TESK2: variants seen among roughly 807,000 people sequenced by gnomAD.
The protein encoded by TESK2 is testis associated actin remodelling kinase 2, also known as dual specificity testis-specific protein kinase 2.
In TESK2, 39 loss-of-function variants were observed where a neutral mutation model predicts 57.1. That is an observed-to-expected ratio of 0.68 (90% confidence interval 0.53 to 0.89). The LOEUF (loss-of-function observed/expected upper bound fraction) is 0.89. Among genes scored for constraint, TESK2 ranks in the 40% least tolerant of loss-of-function variants. The pLI is 0.00. For missense variants in TESK2, 646 were observed against 732.1 expected, an observed-to-expected ratio of 0.88 and a Z score of 1.36; for synonymous variants, 249 against 267.9, an observed-to-expected ratio of 0.93 and a Z score of 0.69.
chr1:45,425,037 AT>A (rs1331383383), intron 2 of TESK2, among the ~76,000 whole-genome samples: 1 of 152,226 alleles, frequency 6.6e-6, no homozygotes, highest in Non-Finnish European at 1.5e-5. Flanking sequence ...GTTATTTAAC[AT>A]AGTACTGGAC....
chr1:45,426,611 C>T (rs908349026), intron 2 of TESK2, among the ~76,000 whole-genome samples: 1 of 152,088 alleles, frequency 6.6e-6, no homozygotes, highest in African/African-American at 2.4e-5. Context: ...GGATCACATC[C>T]GGTTAAAAAG....
chr1:45,355,413 T>C lies in TESK2; in HGVS notation c.430A>G (p.Ser144Gly). ...NSGNLEQLLD[S>G]NLHLPWTVRV... ...ACAGTCCAAGGCAAATGCAGGTTAC[T>C]GTCTAGCAACTGTTCCAGGTTCCCG... is the stretch of plus-strand genomic sequence containing the variant. Residue 144 changes from serine to glycine, a missense_variant, in exon 5 of 11, where the codon AGT (serine) becomes GGT (glycine). Physicochemically the swap from Ser to Gly is moderately conservative, Grantham distance 56. Coordinates refer to ENST00000372086, the MANE Select transcript of TESK2 (RefSeq NM_007170.3). 2 of 1,613,536 alleles carry C rather than the reference T, an allele frequency of 1.2e-6. No homozygotes were observed. The highest frequency in any genetic ancestry group is 1.3e-5 in the African/African-American group (1 of 75,020).
intron 2 of TESK2, among the ~76,000 whole-genome samples, chr1:45,435,902 T>G (rs1222201380): frequency 4.6e-5 from 7 of 151,896 alleles, no homozygotes; most frequent in African/African-American, 1.7e-4. Context: ...AGAAAGTGTC[T>G]TGTCCCCAGT....
chr1:45,417,700 T>G (rs1201904405), intron 3 of TESK2, among the ~76,000 whole-genome samples: 2 of 151,954 alleles, frequency 1.3e-5, no homozygotes, highest in Non-Finnish European at 2.9e-5. Flanking sequence ...CACGCCATTC[T>G]CCTGTCTCAG....
chr1:45,424,348 G>A (rs966143547), intron 2 of TESK2, among the ~76,000 whole-genome samples: 3 of 152,150 alleles, frequency 2.0e-5, no homozygotes, highest in Non-Finnish European at 4.4e-5. Flanking sequence ...AAAACACAAA[G>A]AGCCACAGGA....
At chr1:45,393,472 G>C (rs1649228184) in intron 3 of TESK2, among the ~76,000 whole-genome samples, 1 of 152,222 alleles carries the variant, frequency 6.6e-6, no homozygotes, top group Non-Finnish European at 1.5e-5. Flanking sequence ...GCCGGGCATA[G>C]TGGCTCATGT....
intron 3 of TESK2, among the ~76,000 whole-genome samples, chr1:45,395,129 T>C (rs1649307846): frequency 6.6e-6 from 1 of 152,220 alleles, no homozygotes; most frequent in African/African-American, 2.4e-5. Flanking sequence ...TTTCTCAGAC[T>C]GTTCCCACTA....
chr1:45,462,325 T>C (rs532292337), intron 1 of TESK2, among the ~76,000 whole-genome samples: 1 of 152,018 alleles, frequency 6.6e-6, no homozygotes, highest in South Asian at 2.1e-4. Context: ...CAGGATGGAG[T>C]GCAGTGGCGT....
At chr1:45,456,192 T>C (rs182092869) in intron 2 of TESK2, among the ~76,000 whole-genome samples, 5 of 140,416 alleles carry the variant, frequency 3.6e-5, no homozygotes, top group East Asian at 3.9e-4. Flanking sequence ...CGAAACCCTG[T>C]CTCAAAAAAT....
At chr1:45,357,969 A>G (rs1647510106) in intron 4 of TESK2, among the ~76,000 whole-genome samples, 1 of 138,418 alleles carries the variant, frequency 7.2e-6, no homozygotes, top group South Asian at 2.3e-4. Flanking sequence ...GCACCATTGT[A>G]CTCCAGCCTG....
chr1:45,425,467 A>G (rs544685765), intron 2 of TESK2, among the ~76,000 whole-genome samples: 2 of 152,234 alleles, frequency 1.3e-5, no homozygotes, highest in East Asian at 3.9e-4. Context: ...AGCCTGGGCA[A>G]CATAGTGAGA....
intron 3 of TESK2, among the ~76,000 whole-genome samples, chr1:45,400,329 C>T (rs1395296472): frequency 6.6e-6 from 1 of 152,180 alleles, no homozygotes; most frequent in Non-Finnish European, 1.5e-5. Context: ...CTAGAGCCTC[C>T]AGAGAGGAAT....
chr1:45,444,010 T>C lies in TESK2; in HGVS notation c.222+13554A>G, dbSNP rs567541680. Among the ~76,000 whole-genome samples, 236 of 152,150 alleles carry C rather than the reference T, an allele frequency of 1.6e-3. 6 individuals are homozygous for C. The highest frequency in any genetic ancestry group is 2.8e-3 in the Admixed American group (43 of 15,284). On this transcript the variant is annotated intron_variant, in intron 2 of 10. Transcript: ENST00000372086. ...CTAGGCAACATAGCGATACACTATCTCTACAAAAAAATTTAAAAATTAGCC... is the reference window on the plus strand; with the variant it reads ...CTAGGCAACATAGCGATACACTATCCCTACAAAAAAATTTAAAAATTAGCC...
chr1:45,469,268 G>A (rs1416382063), intron 1 of TESK2, among the ~76,000 whole-genome samples: 2 of 152,026 alleles, frequency 1.3e-5, no homozygotes, highest in African/African-American at 4.8e-5. Flanking sequence ...AAATATCAAG[G>A]AAATTTTTAG....
intron 2 of TESK2, among the ~76,000 whole-genome samples, chr1:45,432,639 C>A (rs374198018): frequency 4.2e-4 from 62 of 148,452 alleles, no homozygotes; most frequent in African/African-American, 1.3e-3. Flanking sequence ...TGCAGTGAGC[C>A]GAGATCAAGC....
In TESK2 at chr1:45,466,422, T is replaced by C. The variant is rs568688161; in HGVS notation, c.-86-8551A>G. 5.9e-5 allele frequency among the ~76,000 whole-genome samples: 9 copies of C among 151,684 alleles called. No individual in the cohort carries two copies. In the East Asian group the frequency reaches 1.6e-3, roughly 26 times the overall value. On this transcript the variant is annotated intron_variant, in intron 1 of 10. Transcript: ENST00000372086. ...CCCAGGAGGCAGAGGTTGAGTGAGC[T>C]GAGATCGTGCCACTGCACTCCAGCC...
In TESK2 at chr1:45,344,287, T is replaced by C. The variant is rs1647105470; in HGVS notation, c.*553A>G. ...TAAGAGCCATGACCACCACGCTGCC[T>C]TGCTGTCCCCTTGCATAGAAATGTA... On this transcript the variant is annotated 3_prime_UTR_variant, in exon 11 of 11. Transcript: ENST00000372086. 1.3e-5 allele frequency: 2 copies of C among 157,986 alleles called. No homozygotes were observed. The highest frequency in any genetic ancestry group is 2.8e-5 in the Non-Finnish European group (2 of 71,346). The allele number at this position is 157,986 out of a possible 1,614,324, so 9.8% of individuals were successfully genotyped here. A position where few individuals can be genotyped will look rare whatever the true frequency, so the allele number is the denominator to read the frequency against.
chr1:45,475,241 C>G (rs1487235243), intron 1 of TESK2, among the ~76,000 whole-genome samples: 7 of 99,540 alleles, frequency 7.0e-5, no homozygotes, highest in East Asian at 6.1e-4. Flanking sequence ...GAGTCTCGTT[C>G]TGTTGCCCAG....
At chr1:45,374,220 G>A (rs566609570) in intron 4 of TESK2, among the ~76,000 whole-genome samples, 1 of 152,350 alleles carries the variant, frequency 6.6e-6, no homozygotes, top group South Asian at 2.1e-4. Context: ...AAGCTCAAGT[G>A]TTGGGAGCAG....
Sources: gnomAD v4.1 joint callset for allele counts (sites outside exome capture counted in the v4.1 genomes callset) on GRCh38, gnomAD v4.1.1 for gene constraint, MANE v1.5 for transcripts, NCBI Gene and HGNC (gene_info 2026-07-23, HGNC 2026-07-21) for gene names.